The following GRID2 variants were observed in gnomAD, a reference collection of about 807,000 sequenced individuals.
GRID2 encodes glutamate ionotropic receptor delta type subunit 2, also known as glutamate receptor ionotropic, delta-2.
GRID2 carries 33 observed loss-of-function variants against 114.8 expected under a neutral mutation model. The ratio of observed to expected loss-of-function variants is 0.29; its 90% CI spans 0.22 to 0.38. GRID2 has a LOEUF of 0.38. GRID2 is among the 10% of genes least tolerant of loss of function. GRID2 has a pLI of 1.00. For synonymous variants in GRID2, 505 were observed against 449.9 expected (o/e 1.12, Z -1.55); for missense variants, 1,184 against 1,257.7 (o/e 0.94, Z 0.89).
At chr4:92,756,667 A>T (rs573998577) in intron 2 of GRID2, among the ~76,000 whole-genome samples, 35 of 152,016 alleles carry the variant, frequency 2.3e-4, no homozygotes, top group Non-Finnish European at 4.6e-4. Context: ...TTTGGTTTTG[A>T]TGAGATTTTA....
chr4:92,309,036 A>G (rs548079065), intron 1 of GRID2, among the ~76,000 whole-genome samples: 33 of 152,062 alleles, frequency 2.2e-4, no homozygotes, highest in Admixed American at 2.0e-3. Context: ...GACATGACTA[A>G]TAAGCCATTA....
At chr4:92,745,140 C>T (rs1212164695) in intron 2 of GRID2, among the ~76,000 whole-genome samples, 2 of 152,094 alleles carry the variant, frequency 1.3e-5, no homozygotes, top group Non-Finnish European at 2.9e-5. Context: ...TTGTAGTGTC[C>T]AAATGTCCTA....
chr4:92,844,941 C>T (rs1743196774), intron 2 of GRID2, among the ~76,000 whole-genome samples: 1 of 152,058 alleles, frequency 6.6e-6, no homozygotes, highest in African/African-American at 2.4e-5. Context: ...TGTCTATTTA[C>T]TTGTATAATA....
rs542886634 is a variant in GRID2, at chr4:92,998,776, A to G, written c.245-86219A>G. On this transcript the variant is annotated intron_variant, in intron 2 of 15. Transcript: ENST00000282020. The stretch of plus-strand genomic sequence containing the variant: ...TTTTCTTCTAAAACCCAATAAGCTC[A>G]CTTTTTAAAAATTTGATGGCGTTTT... Among the ~76,000 whole-genome samples, 136 of 151,790 alleles carry G rather than the reference A, an allele frequency of 9.0e-4. No individual in the cohort carries two copies. In the South Asian group the frequency reaches 0.027, roughly 31 times the overall value.
intron 14 of GRID2, among the ~76,000 whole-genome samples, chr4:93,688,843 A>G (rs1726298912): frequency 6.6e-6 from 1 of 152,088 alleles, no homozygotes; most frequent in Non-Finnish European, 1.5e-5. Flanking sequence ...AGAATAAGTG[A>G]CCAATTTGTA....
At chr4:92,597,608 C>A (rs777958599) in intron 2 of GRID2, among the ~76,000 whole-genome samples, 48 of 152,222 alleles carry the variant, frequency 3.2e-4, no homozygotes, top group Admixed American at 1.5e-3. Flanking sequence ...AAGATTTGTT[C>A]TTTTGTTGTC....
At chr4:93,139,234 A>G (rs1458080119) in intron 4 of GRID2, among the ~76,000 whole-genome samples, 2 of 152,212 alleles carry the variant, frequency 1.3e-5, no homozygotes, top group Non-Finnish European at 2.9e-5. Context: ...GTGAGGGGAG[A>G]CAGTGGTTAT....
intron 13 of GRID2, among the ~76,000 whole-genome samples, chr4:93,596,673 G>C (rs750641262): frequency 1.3e-5 from 2 of 152,122 alleles, no homozygotes; most frequent in Non-Finnish European, 2.9e-5. Flanking sequence ...TAAAAATTAC[G>C]TTACATTGTT....
intron 13 of GRID2, among the ~76,000 whole-genome samples, chr4:93,542,331 GA>G (rs1311681312): frequency 6.6e-6 from 1 of 151,902 alleles, no homozygotes; most frequent in East Asian, 1.9e-4. Context: ...CTGAGCCCCA[GA>G]AAAAAGTACC....
chr4:92,989,280 A>AG (rs1754705770), intron 2 of GRID2, among the ~76,000 whole-genome samples: 2 of 130,644 alleles, frequency 1.5e-5, no homozygotes, highest in African/African-American at 6.4e-5. Context: ...CCATCTCAAA[A>AG]AAAAAAAAAA....
At chr4:93,181,403 G>C (rs902166663) in intron 4 of GRID2, among the ~76,000 whole-genome samples, 1 of 152,036 alleles carries the variant, frequency 6.6e-6, no homozygotes, top group African/African-American at 2.4e-5. Flanking sequence ...ATTCTGAAGG[G>C]CCCTAGAATT....
intron 2 of GRID2, among the ~76,000 whole-genome samples, chr4:92,780,770 T>C (rs1200549403): frequency 6.6e-6 from 1 of 151,802 alleles, no homozygotes; most frequent in Non-Finnish European, 1.5e-5. Context: ...GCAGTTAGAC[T>C]GTTCATGCAT....
chr4:93,110,812 G>A lies in GRID2; in HGVS notation c.594G>A (p.Gln198=), dbSNP rs1319046933. The A allele has an allele frequency of 6.2e-7, 1 of 1,612,210 alleles. No individual in the cohort carries two copies. The highest frequency in any genetic ancestry group is 1.3e-5 in the African/African-American group (1 of 74,874). ...VSQQGMDVAL[Q]KVENNINKMI... ...AGCAGGGAATGGATGTTGCACTTCA[G>A]AAGGTAGAAAACAACATCAATAAAA... Residue 198 remains glutamine, a synonymous_variant, in exon 4 of 16, where the codon CAG becomes CAA. Coordinates refer to ENST00000282020, the MANE Select transcript of GRID2 (RefSeq NM_001510.4).
intron 1 of GRID2, among the ~76,000 whole-genome samples, chr4:93,795,519 G>A (rs1734779313): frequency 6.6e-6 from 1 of 151,762 alleles, no homozygotes; most frequent in African/African-American, 2.4e-5. Context: ...ACTTAAGCTT[G>A]GTACTTTTTA....
chr4:92,870,531 T>C (rs1355362650), intron 2 of GRID2, among the ~76,000 whole-genome samples: 2 of 152,078 alleles, frequency 1.3e-5, no homozygotes, highest in African/African-American at 4.8e-5. Context: ...AACATTATAA[T>C]GTGAATAGGT....
chr4:92,616,974 T>A (rs1730032418), intron 2 of GRID2, among the ~76,000 whole-genome samples: 1 of 151,600 alleles, frequency 6.6e-6, no homozygotes. Flanking sequence ...ATACATATAA[T>A]GTATAGTGAT....
intron 2 of GRID2, among the ~76,000 whole-genome samples, chr4:92,645,822 C>T (rs62309177): frequency 0.056 from 8,476 of 151,722 alleles, 330 homozygotes; most frequent in East Asian, 0.16. Context: ...ATTATTTCCC[C>T]GTAAGAATTA....
intron 2 of GRID2, among the ~76,000 whole-genome samples, chr4:92,878,916 A>C (rs112948346): frequency 6.6e-6 from 1 of 152,114 alleles, no homozygotes; most frequent in African/African-American, 2.4e-5. Context: ...CCGTGAGGCT[A>C]TCTAAATTCT....
intron 8 of GRID2, among the ~76,000 whole-genome samples, chr4:93,263,070 A>C (rs761723032): frequency 2.0e-5 from 3 of 151,886 alleles, no homozygotes; most frequent in Non-Finnish European, 2.9e-5. Flanking sequence ...ACTAGTACCA[A>C]ATAATTCATT....
Sources: gnomAD v4.1 joint callset for allele counts (sites outside exome capture counted in the v4.1 genomes callset) on GRCh38, gnomAD v4.1.1 for gene constraint, MANE v1.5 for transcripts, NCBI Gene and HGNC (gene_info 2026-07-23, HGNC 2026-07-21) for gene names.